Variants in SUPT3H observed in about 807,000 individuals in gnomAD.
The protein encoded by SUPT3H is transcription initiation protein SPT3 homolog.
A neutral mutation model predicts 44.3 loss-of-function variants in SUPT3H; 44 were observed. That is an observed-to-expected ratio of 0.99 (90% CI 0.78 to 1.28). The LOEUF (loss-of-function observed/expected upper bound fraction) is 1.28. SUPT3H is among the 50% of genes most tolerant of loss of function. The pLI, the probability that SUPT3H is intolerant of heterozygous loss-of-function variation, is 0.00. For synonymous variants in SUPT3H, 124 were observed against 125.6 expected, an observed-to-expected ratio of 0.99 and a Z score of 0.09; for missense variants, 380 against 387.1, an observed-to-expected ratio of 0.98 and a Z score of 0.15.
At chr6:44,971,510 C>T (rs1031380351) in intron 6 of SUPT3H, among the ~76,000 whole-genome samples, 3 of 152,028 alleles carry the variant, frequency 2.0e-5, no homozygotes, top group Non-Finnish European at 4.4e-5. Context: ...GAGGAAAAGC[C>T]CCTTATAAAA....
At chr6:44,977,905 C>G (rs1404822373) in intron 6 of SUPT3H, among the ~76,000 whole-genome samples, 1 of 151,960 alleles carries the variant, frequency 6.6e-6, no homozygotes, top group South Asian at 2.1e-4. Flanking sequence ...GAATTGAAAC[C>G]CTCAGATTGC....
intron 2 of SUPT3H, among the ~76,000 whole-genome samples, chr6:45,318,887 CCTA>C (rs1360527105): frequency 1.3e-5 from 2 of 151,960 alleles, no homozygotes; most frequent in African/African-American, 2.4e-5. Flanking sequence ...CAGAGATTTT[CCTA>C]CTACATGATC....
chr6:45,361,105 A>G (rs149248931), intron 2 of SUPT3H, among the ~76,000 whole-genome samples: 176 of 152,302 alleles, frequency 1.2e-3, no homozygotes, highest in African/African-American at 4.0e-3. Flanking sequence ...CCCCATCTCA[A>G]AAATACAAAG....
chr6:45,287,034 C>A (rs1295670555), intron 2 of SUPT3H, among the ~76,000 whole-genome samples: 2 of 151,856 alleles, frequency 1.3e-5, no homozygotes, highest in Admixed American at 6.6e-5. Flanking sequence ...TAGGTGGGAA[C>A]TGAACAATGA....
intron 2 of SUPT3H, among the ~76,000 whole-genome samples, chr6:45,321,347 C>T (rs539259913): frequency 3.3e-5 from 5 of 152,228 alleles, no homozygotes; most frequent in African/African-American, 9.6e-5. Flanking sequence ...AAATGGTTTA[C>T]CTTTCAGAAT....
intron 3 of SUPT3H, among the ~76,000 whole-genome samples, chr6:45,040,836 T>A (rs1161671754): frequency 6.6e-6 from 1 of 152,192 alleles, no homozygotes; most frequent in Non-Finnish European, 1.5e-5. Flanking sequence ...AGTTTTAAAC[T>A]GAATATTCTG....
chr6:44,942,200 A>C, intron 9 of SUPT3H, among the ~76,000 whole-genome samples: 1 of 152,194 alleles, frequency 6.6e-6, no homozygotes, highest in Non-Finnish European at 1.5e-5. Context: ...TTAACTGAAG[A>C]GGTCTTTTAG....
intron 10 of SUPT3H, among the ~76,000 whole-genome samples, chr6:44,845,659 C>T (rs1000716913): frequency 5.7e-4 from 87 of 152,272 alleles, no homozygotes; most frequent in African/African-American, 2.0e-3. Context: ...CACACACAAG[C>T]GGCTGGACAT....
intron 6 of SUPT3H, among the ~76,000 whole-genome samples, chr6:44,993,026 G>A (rs776887042): frequency 6.6e-6 from 1 of 152,070 alleles, no homozygotes; most frequent in African/African-American, 2.4e-5. Context: ...TGGTGGGTGT[G>A]GTGGCACGTT....
At chr6:44,861,419 C>T (rs1310109575) in intron 10 of SUPT3H, among the ~76,000 whole-genome samples, 1 of 151,340 alleles carries the variant, frequency 6.6e-6, no homozygotes, top group Non-Finnish European at 1.5e-5. Context: ...AGGAGTCTCA[C>T]TCTGTCGCTC....
At chr6:44,962,918 C>T (rs1188256973) in intron 6 of SUPT3H, among the ~76,000 whole-genome samples, 5 of 151,938 alleles carry the variant, frequency 3.3e-5, no homozygotes, top group Non-Finnish European at 7.4e-5. Context: ...CTCTCCCTCT[C>T]TCCCTTCCTT....
chr6:44,896,110 G>A (rs1336884227), intron 10 of SUPT3H, among the ~76,000 whole-genome samples: 1 of 152,032 alleles, frequency 6.6e-6, no homozygotes, highest in East Asian at 1.9e-4. Context: ...GTGATTAGGG[G>A]TCCAGCTGTG....
At chr6:45,138,944 T>C (rs1400267814) in intron 2 of SUPT3H, among the ~76,000 whole-genome samples, 6 of 152,208 alleles carry the variant, frequency 3.9e-5, no homozygotes, top group Non-Finnish European at 8.8e-5. Flanking sequence ...ACTTCAAGTC[T>C]AGTGTCAGAG....
intron 6 of SUPT3H, among the ~76,000 whole-genome samples, chr6:44,992,610 T>C (rs1169647017): frequency 7.2e-5 from 11 of 152,104 alleles, no homozygotes; most frequent in Admixed American, 7.2e-4. Context: ...AGGATTACTA[T>C]GAGTATGGTT....
At chr6:45,183,109 G>A (rs1298145831) in intron 2 of SUPT3H, among the ~76,000 whole-genome samples, 1 of 152,204 alleles carries the variant, frequency 6.6e-6, no homozygotes, top group Non-Finnish European at 1.5e-5. Flanking sequence ...ACGAAATGTG[G>A]TATATGCATA....
chr6:45,213,563 G>A (rs1764482354), intron 2 of SUPT3H, among the ~76,000 whole-genome samples: 1 of 152,076 alleles, frequency 6.6e-6, no homozygotes, highest in South Asian at 2.1e-4. Flanking sequence ...TATAGCCACT[G>A]TAAATAAGAG....
chr6:45,301,164 T>C (rs575423052), intron 2 of SUPT3H, among the ~76,000 whole-genome samples: 3 of 152,098 alleles, frequency 2.0e-5, no homozygotes, highest in South Asian at 2.1e-4. Flanking sequence ...ACCAACACTA[T>C]GGGTGAGGGA....
chr6:44,972,594 G>A (rs1183380736), intron 6 of SUPT3H, among the ~76,000 whole-genome samples: 1 of 152,166 alleles, frequency 6.6e-6, no homozygotes, highest in Non-Finnish European at 1.5e-5. Flanking sequence ...GGACCTGTGT[G>A]GTGGCTCCAA....
chr6:45,023,882 C>G (rs911970207), intron 3 of SUPT3H, among the ~76,000 whole-genome samples: 7 of 152,092 alleles, frequency 4.6e-5, no homozygotes, highest in African/African-American at 1.7e-4. Context: ...AACAAACCTT[C>G]ACATGTACCC....
Sources: gnomAD v4.1 joint callset for allele counts (sites outside exome capture counted in the v4.1 genomes callset) on GRCh38, gnomAD v4.1.1 for gene constraint, MANE v1.5 for transcripts, NCBI Gene and HGNC (gene_info 2026-07-23, HGNC 2026-07-21) for gene names.